The following PKHD1 variants were observed in gnomAD, a reference collection of about 807,000 sequenced individuals.
PKHD1 encodes the protein PKHD1 ciliary IPT domain containing fibrocystin/polyductin.
A neutral mutation model predicts 412.0 loss-of-function variants in PKHD1; 291 were observed. The ratio of observed to expected loss-of-function variants is 0.71; its 90% CI spans 0.64 to 0.78. PKHD1 has a LOEUF of 0.78. Ranked by LOEUF, PKHD1 falls within the 30% of genes least tolerant of loss-of-function variation. The pLI is 0.00. For synonymous variants in PKHD1, 1,777 were observed against 1,821.5 expected, an observed-to-expected ratio of 0.98 and a Z score of 0.62; for missense variants, 4,825 against 4,950.7, an observed-to-expected ratio of 0.97 and a Z score of 0.76.
At chr6:51,634,598 A>G (rs1002589289) in intron 64 of PKHD1, among the ~76,000 whole-genome samples, 1 of 152,362 alleles carries the variant, frequency 6.6e-6, no homozygotes, top group South Asian at 2.1e-4. Context: ...CATAACAAAC[A>G]TTTGTTAAAC....
In PKHD1 at chr6:51,830,788, T is replaced by C. The variant is rs1768105152; in HGVS notation, c.8302+73A>G. On this transcript the variant is annotated intron_variant, in intron 52 of 66. Transcript: ENST00000371117. The stretch of plus-strand genomic sequence containing the variant: ...CCAAACTCTTTACTGTGTTGTACAA[T>C]ATAAATGAAACATAATCAGATCTGG... 11 of 1,396,160 alleles carry C rather than the reference T, an allele frequency of 7.9e-6. No individual in the cohort carries two copies. In the South Asian group the frequency reaches 1.2e-4, roughly 15 times the overall value. The allele number at this position is 1,396,160 out of a possible 1,614,324, so 86.5% of individuals were successfully genotyped here.
intron 36 of PKHD1, among the ~76,000 whole-genome samples, chr6:51,940,062 G>C (rs555052704): frequency 6.6e-6 from 1 of 151,590 alleles, no homozygotes; most frequent in African/African-American, 2.4e-5. Context: ...TTAGCATTTA[G>C]GCTCTTTTTC....
chr6:52,040,563 G>T (rs1896989), intron 27 of PKHD1, among the ~76,000 whole-genome samples: 62,638 of 151,880 alleles, frequency 0.41, 15,053 homozygotes, highest in Admixed American at 0.56. Context: ...CATATAACTT[G>T]CTTTGGGTCA....
chr6:52,025,342 C>A lies in PKHD1; in HGVS notation c.4468G>T (p.Ala1490Ser). 6.2e-7 allele frequency: 1 copy of A among 1,614,060 alleles called. No homozygotes were observed. The highest frequency in any genetic ancestry group is 1.1e-5 in the South Asian group (1 of 91,084). ...GACCCACTGGTGTTTGTGGACAAGG[C>A]ATCCATGACAGGACTTGCCTCTTCC... is the stretch of plus-strand genomic sequence containing the variant. The part of the protein sequence containing the change: ...IREEASPVMD[A>S]LSTNTSGSLT... Residue 1490 changes from alanine to serine, a missense_variant, in exon 32 of 67, where the codon GCC becomes TCC. Ala to Ser is a moderately conservative substitution (Grantham distance 99). Transcript: ENST00000371117.
At chr6:52,000,104 T>A (rs1798174190) in intron 35 of PKHD1, among the ~76,000 whole-genome samples, 1 of 152,248 alleles carries the variant, frequency 6.6e-6, no homozygotes, top group Admixed American at 6.5e-5. Context: ...TTAAATATAC[T>A]GATAAAATAA....
chr6:51,816,845 C>A (rs1765538708), intron 52 of PKHD1, among the ~76,000 whole-genome samples: 2 of 152,234 alleles, frequency 1.3e-5, no homozygotes, highest in Non-Finnish European at 2.9e-5. Flanking sequence ...GCCCAATTTG[C>A]AAACGGTTCT....
At chr6:51,634,621 G>T (rs1395830236) in intron 64 of PKHD1, among the ~76,000 whole-genome samples, 1 of 152,174 alleles carries the variant, frequency 6.6e-6, no homozygotes, top group Non-Finnish European at 1.5e-5. Context: ...ATTAGGATGT[G>T]ACACATGCCA....
chr6:51,686,715 C>A (rs1180972548), intron 60 of PKHD1, among the ~76,000 whole-genome samples: 1 of 152,282 alleles, frequency 6.6e-6, no homozygotes, highest in Admixed American at 6.5e-5. Context: ...CACTTTACAA[C>A]TAGCCAGAAA....
At chr6:51,717,073 T>A (rs1027698366) in intron 60 of PKHD1, among the ~76,000 whole-genome samples, 49 of 152,320 alleles carry the variant, frequency 3.2e-4, no homozygotes, top group Middle Eastern at 3.4e-3. Flanking sequence ...GAGTTGTGAC[T>A]CTCTTCCTTG....
chr6:51,785,588 C>G (rs1324060995), intron 53 of PKHD1, among the ~76,000 whole-genome samples: 2 of 152,154 alleles, frequency 1.3e-5, no homozygotes, highest in East Asian at 3.8e-4. Flanking sequence ...TTTCTATTTT[C>G]TTTGCCATTT....
Position 51,903,593 on chromosome 6 carries a change from T to A in PKHD1, c.6996+4A>T, listed in dbSNP as rs781173081. 6.2e-7 allele frequency: 1 copy of A among 1,609,438 alleles called. No individual in the cohort carries two copies. The highest frequency in any genetic ancestry group is 1.7e-5 in the Admixed American group (1 of 59,910). ...GGTCTTCCTGGTAGAGCTGAACATC[T>A]TACCTCTATAACATTGGTGGGACTG... On this transcript the variant is annotated splice_donor_region_variant and intron_variant, in intron 43 of 66. Transcript: ENST00000371117.
chr6:51,748,690 G>A lies in PKHD1; in HGVS notation c.8951-25C>T, dbSNP rs758417633. 5.0e-6 allele frequency: 8 copies of A among 1,609,984 alleles called. No homozygotes were observed. In the South Asian group the frequency reaches 8.8e-5, roughly 18 times the overall value. On this transcript the variant is annotated intron_variant, in intron 57 of 66. Transcript: ENST00000371117. Reference sequence around the variant, plus strand: ...CCTATAAACAAATGCATGTCATCAGGTACTTTCCTCTTCCCCACAAAAGGC... The same window carrying A: ...CCTATAAACAAATGCATGTCATCAGATACTTTCCTCTTCCCCACAAAAGGC...
chr6:51,675,498 T>C (rs902480779), intron 60 of PKHD1, among the ~76,000 whole-genome samples: 1 of 152,310 alleles, frequency 6.6e-6, no homozygotes, highest in Admixed American at 6.5e-5. Context: ...ATTTACAATT[T>C]ACCACTAAAC....
intron 57 of PKHD1, 103 bp from the exon 58 acceptor site, chr6:51,748,768 G>A (rs540473656): frequency 1.1e-6 from 1 of 943,176 alleles, no homozygotes; most frequent in Non-Finnish European, 1.7e-6. Context: ...TAATGAAAAT[G>A]TAAGTTTATT....
Position 51,634,191 on chromosome 6 carries a change from T to C in PKHD1, c.11507-1468A>G, listed in dbSNP as rs548030510. 3.9e-5 allele frequency among the ~76,000 whole-genome samples: 6 copies of C among 152,320 alleles called. No homozygotes were observed. In the South Asian group the frequency reaches 1.2e-3, roughly 32 times the overall value. On this transcript the variant is annotated intron_variant, in intron 64 of 66. Transcript: ENST00000371117. ...TCAGGCAAAAAGAGTTTTTATTTTA[T>C]GTACTCAAGGAAACACCATGTTTTT... is the stretch of plus-strand genomic sequence containing the variant.
At chr6:51,686,665 A>G (rs1030128763) in intron 60 of PKHD1, among the ~76,000 whole-genome samples, 2 of 152,238 alleles carry the variant, frequency 1.3e-5, no homozygotes, top group Non-Finnish European at 2.9e-5. Flanking sequence ...AAGCTAAGAA[A>G]GTAAGCCCTA....
chr6:51,951,722 T>C (rs1183182791), intron 36 of PKHD1, among the ~76,000 whole-genome samples: 1 of 152,180 alleles, frequency 6.6e-6, no homozygotes, highest in Non-Finnish European at 1.5e-5. Context: ...TATTTTTATC[T>C]ACACAAGAAT....
chr6:51,883,093 C>A lies in PKHD1; in HGVS notation c.7350G>T (p.Lys2450Asn). 2.5e-6 allele frequency: 4 copies of A among 1,612,962 alleles called. No individual in the cohort carries two copies. Among genetic ancestry groups the A allele is most frequent in the Non-Finnish European group, 3.4e-6 (4 of 1,179,238 alleles). ...DSLLLGHFAH[K>N]GSLCMSSGIK... ...AAAACAACCACACTAAGGCACTTACCTTGTGGGCAAAATGACCAAGTAATA... is the reference window on the plus strand; with the variant it reads ...AAAACAACCACACTAAGGCACTTACATTGTGGGCAAAATGACCAAGTAATA... Residue 2450 changes from lysine (K) to asparagine (N), a missense_variant and splice_region_variant, in exon 46 of 67, where the codon AAG (lysine) becomes AAT (asparagine). Transcript: ENST00000371117.
At chr6:51,628,828 C>G (rs528609263) in intron 65 of PKHD1, among the ~76,000 whole-genome samples, 2 of 152,190 alleles carry the variant, frequency 1.3e-5, no homozygotes, top group Non-Finnish European at 2.9e-5. Context: ...TACAAAGGTA[C>G]AGTAACCAAA....
Sources: allele counts gnomAD v4.1 joint callset (sites outside exome capture counted in the v4.1 genomes callset), GRCh38; gene constraint gnomAD v4.1.1; transcripts MANE v1.5; gene names NCBI Gene and HGNC (gene_info 2026-07-23, HGNC 2026-07-21).